Variants in SUGP1 observed in about 807,000 individuals in gnomAD.
SUGP1 encodes SURP and G-patch domain-containing protein 1.
SUGP1 carries 34 observed loss-of-function variants against 76.5 expected under a neutral mutation model. That is an observed-to-expected ratio of 0.44 (90% CI 0.34 to 0.59). SUGP1 has a LOEUF of 0.59. Among genes scored for constraint, SUGP1 ranks in the 20% least tolerant of loss-of-function variants. SUGP1 has a pLI of 0.01. For synonymous variants in SUGP1, 326 were observed against 326.2 expected (o/e 1.00, Z 0.01); for missense variants, 752 against 851.7 (o/e 0.88, Z 1.46).
At chr19:19,319,706 C>CAAAA (rs570232030) in intron 1 of SUGP1, among the ~76,000 whole-genome samples, 177 of 67,858 alleles carry the variant, frequency 2.6e-3, no homozygotes, top group Non-Finnish European at 3.5e-3. Context: ...GACCCTGTCT[C>CAAAA]AAAAAAAAAA....
intron 7 of SUGP1, among the ~76,000 whole-genome samples, chr19:19,300,304 G>C (rs1049936875): frequency 3.9e-5 from 6 of 152,212 alleles, no homozygotes; most frequent in Non-Finnish European, 7.4e-5. Context: ...TCGAACTCCT[G>C]ACCTCAGGTG....
At chr19:19,297,542 C>A (rs1404830771) in intron 7 of SUGP1, among the ~76,000 whole-genome samples, 198 bp from the exon 8 acceptor site, 1 of 152,040 alleles carries the variant, frequency 6.6e-6, no homozygotes, top group Non-Finnish European at 1.5e-5. Context: ...TGGCCCGATG[C>A]CCTTCCTTTG....
chr19:19,301,259 A>G (rs1374567917), intron 7 of SUGP1, among the ~76,000 whole-genome samples: 2 of 152,070 alleles, frequency 1.3e-5, no homozygotes, highest in South Asian at 4.1e-4. Context: ...GCTCCTGGAC[A>G]CACAGGTACC....
At chr19:19,295,127 G>A (rs2061215194) in intron 8 of SUGP1, among the ~76,000 whole-genome samples, 1 of 151,752 alleles carries the variant, frequency 6.6e-6, no homozygotes, top group African/African-American at 2.4e-5. Flanking sequence ...CTGAGACCTT[G>A]TTTATATAAT....
At chr19:19,282,567 G>A (rs1299619141) in intron 8 of SUGP1, among the ~76,000 whole-genome samples, 1 of 152,032 alleles carries the variant, frequency 6.6e-6, no homozygotes, top group Non-Finnish European at 1.5e-5. Context: ...GAGCATCACA[G>A]ACTGTACCTC....
intron 8 of SUGP1, among the ~76,000 whole-genome samples, chr19:19,290,806 T>C (rs1461405678): frequency 6.6e-6 from 1 of 152,118 alleles, no homozygotes; most frequent in Non-Finnish European, 1.5e-5. Flanking sequence ...ATAACAATCA[T>C]TTATTTATTT....
At chr19:19,305,791 T>C (rs1473070199) in intron 4 of SUGP1, 58 bp downstream of exon 4, 1 of 1,524,584 alleles carries the variant, frequency 6.6e-7, no homozygotes, top group African/African-American at 1.4e-5. Flanking sequence ...CCACCACAGA[T>C]CCCACCTGCT....
chr19:19,301,176 C>T (rs1193106309), intron 7 of SUGP1, among the ~76,000 whole-genome samples: 3 of 152,006 alleles, frequency 2.0e-5, no homozygotes, highest in Non-Finnish European at 4.4e-5. Context: ...GGACACCTGT[C>T]GGGGGGGCCT....
intron 9 of SUGP1, among the ~76,000 whole-genome samples, 188 bp downstream of exon 9, chr19:19,279,997 G>T (rs1217050134): frequency 2.0e-5 from 3 of 152,210 alleles, no homozygotes; most frequent in East Asian, 3.9e-4. Flanking sequence ...TGCAGTGGGG[G>T]GTGGCATGCC....
chr19:19,318,938 G>T (rs2061415082), intron 1 of SUGP1, among the ~76,000 whole-genome samples: 1 of 152,196 alleles, frequency 6.6e-6, no homozygotes, highest in Non-Finnish European at 1.5e-5. Flanking sequence ...AAAAGTCTGA[G>T]CCGGGCATGG....
chr19:19,276,815 A>G, intron 13 of SUGP1, 132 bp downstream of exon 13: 1 of 1,540,192 alleles, frequency 6.5e-7, no homozygotes, highest in East Asian at 2.3e-5. Context: ...GGGGGCTTGA[A>G]TGCAGGTGGG....
At chr19:19,303,662 ACGTGCGACTGT>A in intron 5 of SUGP1, 51 bp downstream of exon 5, 1 of 1,589,042 alleles carries the variant, frequency 6.3e-7, no homozygotes, top group Middle Eastern at 1.7e-4. Flanking sequence ...CCAGCCCCAC[ACGTGCGACTGT>A]GCAGCAAACG....
chr19:19,294,103 A>T (rs1028100405), intron 8 of SUGP1, among the ~76,000 whole-genome samples: 3 of 151,958 alleles, frequency 2.0e-5, no homozygotes, highest in Non-Finnish European at 4.4e-5. Context: ...AGGAGAATCA[A>T]TTGAGCCCGG....
At chr19:19,311,198 A>AT (rs971991258) in intron 2 of SUGP1, among the ~76,000 whole-genome samples, 2 of 151,808 alleles carry the variant, frequency 1.3e-5, no homozygotes, top group South Asian at 2.1e-4. Flanking sequence ...GGCCAATGCC[A>AT]TTTTTTTGAC....
At chr19:19,306,408 A>G (rs2061318424) in intron 3 of SUGP1, among the ~76,000 whole-genome samples, 1 of 152,164 alleles carries the variant, frequency 6.6e-6, no homozygotes, top group African/African-American at 2.4e-5. Flanking sequence ...GAGTCCCCGA[A>G]TCCCAGTTTA....
chr19:19,305,758 G>T, intron 4 of SUGP1, 91 bp downstream of exon 4: 2 of 1,337,882 alleles, frequency 1.5e-6, no homozygotes, highest in South Asian at 1.4e-5. Context: ...AAGCACCCAT[G>T]CCCCTGGCAG....
intron 8 of SUGP1, 70 bp downstream of exon 8, chr19:19,296,919 T>C: frequency 3.1e-6 from 4 of 1,306,176 alleles, no homozygotes; most frequent in Non-Finnish European, 3.1e-6. Context: ...TGGATGAACC[T>C]TGAAGACATT....
intron 3 of SUGP1, among the ~76,000 whole-genome samples, chr19:19,306,719 G>C (rs1440740823): frequency 6.6e-6 from 1 of 152,212 alleles, no homozygotes; most frequent in Non-Finnish European, 1.5e-5. Context: ...ACCTGTAGGC[G>C]ACCAACCTAC....
In SUGP1 at chr19:19,316,574, A is replaced by T; in HGVS notation, c.54T>A (p.Phe18Leu). The change falls in exon 2 of 14, where the codon TTT (phenylalanine) becomes TTA (leucine). Residue 18 changes from phenylalanine (F) to leucine (L), a missense_variant. Around this residue, in one of 2 missense-constraint regions of SUGP1, gnomAD observed 620 missense variants for 617.3 expected, o/e 1.00. Coordinates refer to ENST00000247001, the MANE Select transcript of SUGP1 (RefSeq NM_172231.4). ...TTCCAGATTTAGGGGGAGCAACCCC[A>T]AACCACCGGTTAGCCTTTCCTGGGG... Reference protein sequence around the residue: ...RDVAGKANRWFGVAPPKSGKM... With the variant: ...RDVAGKANRWLGVAPPKSGKM... 1 of 1,613,940 alleles carries T rather than the reference A, an allele frequency of 6.2e-7. No homozygotes were observed. The highest frequency in any genetic ancestry group is 8.5e-7 in the Non-Finnish European group (1 of 1,179,972).
Sources: allele counts gnomAD v4.1 joint callset (sites outside exome capture counted in the v4.1 genomes callset), GRCh38; gene constraint gnomAD v4.1.1; regional missense constraint gnomAD v4.1.1; transcripts MANE v1.5; gene names NCBI Gene and HGNC (gene_info 2026-07-23, HGNC 2026-07-21).